Variants in CASQ2 observed in about 807,000 individuals in gnomAD.
The protein encoded by CASQ2 is calsequestrin 2.
Under a neutral mutation model 46.5 loss-of-function variants are expected in CASQ2, and 49 were observed. The observed-to-expected ratio is 1.05, with a 90% CI of 0.84 to 1.34. The LOEUF (loss-of-function observed/expected upper bound fraction) is 1.34, where lower values mean the gene tolerates loss of function less well. CASQ2 is among the 40% of genes most tolerant of loss of function. The probability of loss-of-function intolerance (pLI) is 0.00; values close to 1 mark genes in which losing one functional copy is unlikely to be tolerated. For synonymous variants in CASQ2, 174 were observed against 168.5 expected (o/e 1.03, Z -0.25); for missense variants, 486 against 481.3 (o/e 1.01, Z -0.09).
intron 1 of CASQ2, among the ~76,000 whole-genome samples, chr1:115,753,035 G>A: frequency 6.6e-6 from 1 of 152,180 alleles, no homozygotes; most frequent in Non-Finnish European, 1.5e-5. Context: ...ATAGTTTGAG[G>A]GTCTCCCATG....
intron 8 of CASQ2, among the ~76,000 whole-genome samples, chr1:115,712,749 G>C (rs555137809): frequency 2.0e-5 from 3 of 151,728 alleles, no homozygotes; most frequent in Admixed American, 6.6e-5. Flanking sequence ...CCAGCTACTC[G>C]GGAGGCTGAG....
chr1:115,742,375 C>T (rs1648217875), intron 2 of CASQ2, among the ~76,000 whole-genome samples: 1 of 152,110 alleles, frequency 6.6e-6, no homozygotes, highest in African/African-American at 2.4e-5. Context: ...TGAGCAAAAC[C>T]GCAGTAAGAA....
chr1:115,728,360 G>A (rs576455094), intron 5 of CASQ2, among the ~76,000 whole-genome samples: 2 of 152,268 alleles, frequency 1.3e-5, no homozygotes, highest in South Asian at 2.1e-4. Context: ...AAGAAAACAG[G>A]CCATGTTGAC....
chr1:115,701,084 G>C lies in CASQ2; in HGVS notation c.*157C>G. The C allele has an allele frequency of 3.6e-5, 40 of 1,110,682 alleles. 2 individuals are homozygous for C. In the South Asian group the frequency reaches 5.0e-4, roughly 14 times the overall value. The allele number at this position is 1,110,682 out of a possible 1,614,324, so 68.8% of individuals were successfully genotyped here. Reference sequence around the variant, plus strand: ...GCATTTGAAAAGGCATTTGCTGAATGATGCTGCTCCTGACGCAAAGGGAGT... The same window carrying C: ...GCATTTGAAAAGGCATTTGCTGAATCATGCTGCTCCTGACGCAAAGGGAGT... On this transcript the variant is annotated 3_prime_UTR_variant, in exon 11 of 11. Transcript: ENST00000261448.
At chr1:115,751,529 G>A (rs553217951) in intron 1 of CASQ2, among the ~76,000 whole-genome samples, 29 of 152,178 alleles carry the variant, frequency 1.9e-4, no homozygotes, top group African/African-American at 6.5e-4. Context: ...AGAATTAGCC[G>A]GGCTTGGTGG....
chr1:115,725,810 A>G (rs557052499), intron 6 of CASQ2, among the ~76,000 whole-genome samples: 8 of 152,274 alleles, frequency 5.3e-5, no homozygotes, highest in African/African-American at 1.9e-4. Context: ...TCTTTTACAA[A>G]CAATGGGTCA....
chr1:115,701,271 A>G lies in CASQ2; in HGVS notation c.1170T>C (p.Asn390=), dbSNP rs754836370. The G allele has an allele frequency of 6.2e-7, 1 of 1,605,132 alleles. No homozygotes were observed. The highest frequency in any genetic ancestry group is 8.5e-7 in the Non-Finnish European group (1 of 1,171,994). The stretch of plus-strand genomic sequence containing the variant: ...CATCATCATCGTCATCACTGTCATC[A>G]TTATCCTCTTCATCAGAATTATCAT... ...DDDDNSDEED[N]DDSDDDDDE The change falls in exon 11 of 11, where the codon AAT becomes AAC. Residue 390 remains asparagine, a synonymous_variant. Coordinates refer to ENST00000261448, the MANE Select transcript of CASQ2 (RefSeq NM_001232.4).
intron 1 of CASQ2, among the ~76,000 whole-genome samples, chr1:115,762,060 A>G (rs775012451): frequency 6.6e-6 from 1 of 152,206 alleles, no homozygotes; most frequent in African/African-American, 2.4e-5. Context: ...GAAGAACTAC[A>G]CCAAGTGTAC....
At chr1:115,703,137 C>T (rs952606845) in intron 9 of CASQ2, 142 bp from the exon 10 acceptor site, 4 of 705,962 alleles carry the variant, frequency 5.7e-6, no homozygotes, top group Middle Eastern at 2.3e-4. Flanking sequence ...AAATTGAAGA[C>T]TTGGCCCCAG....
intron 5 of CASQ2, among the ~76,000 whole-genome samples, chr1:115,730,258 T>C (rs546704210): frequency 6.0e-4 from 92 of 152,330 alleles, no homozygotes; most frequent in African/African-American, 2.1e-3. Flanking sequence ...TGGATAGTGG[T>C]TGGGAACTAC....
At chr1:115,740,569 A>T (rs1007686325) in intron 3 of CASQ2, among the ~76,000 whole-genome samples, 159 bp downstream of exon 3, 11 of 152,226 alleles carry the variant, frequency 7.2e-5, no homozygotes, top group African/African-American at 2.7e-4. Flanking sequence ...TAGAGTAGAC[A>T]GTGCAATAAT....
intron 5 of CASQ2, among the ~76,000 whole-genome samples, chr1:115,730,270 G>C (rs1217531313): frequency 1.3e-5 from 2 of 152,186 alleles, no homozygotes; most frequent in East Asian, 3.9e-4. Context: ...GGGAACTACT[G>C]ACTGACAAAT....
In CASQ2 at chr1:115,760,143, G is replaced by A. The variant is rs748240503; in HGVS notation, c.234+8165C>T. On this transcript the variant is annotated intron_variant, in intron 1 of 10. Coordinates refer to ENST00000261448, the MANE Select transcript of CASQ2 (RefSeq NM_001232.4). ...CCTAGAACAAACTTAACATCCCAGC[G>A]ACTCTCCAAATTAGAGCTATACTGA... Among the ~76,000 whole-genome samples the A allele has an allele frequency of 5.9e-5, 9 of 152,204 alleles. No homozygotes were observed. In the South Asian group the frequency reaches 6.2e-4, roughly 11 times the overall value.
intron 5 of CASQ2, among the ~76,000 whole-genome samples, chr1:115,728,747 A>T (rs1570819528): frequency 6.6e-6 from 1 of 152,224 alleles, no homozygotes; most frequent in East Asian, 1.9e-4. Context: ...GTTATTTTAC[A>T]AATGATGAAC....
At chr1:115,747,683 G>C (rs148507942) in intron 1 of CASQ2, among the ~76,000 whole-genome samples, 2 of 152,218 alleles carry the variant, frequency 1.3e-5, no homozygotes, top group African/African-American at 4.8e-5. Context: ...TACAAGTCTG[G>C]CACACATTTT....
rs781609996 is a variant in CASQ2 at position 115,727,076 on chromosome 1, T to C, written c.653A>G (p.Glu218Gly). 44 of 1,613,128 alleles carry C rather than the reference T, an allele frequency of 2.7e-5. No individual in the cohort carries two copies. The highest frequency in any genetic ancestry group is 3.7e-5 in the Non-Finnish European group (44 of 1,179,124). The change falls in exon 6 of 11, where the codon GAG (glutamate) becomes GGG (glycine). Residue 218 changes from glutamate to glycine, a missense_variant. Physicochemically the swap from Glu to Gly is moderately conservative, Grantham distance 98. Coordinates refer to ENST00000261448, the MANE Select transcript of CASQ2 (RefSeq NM_001232.4). ...GGCAATGGGCTCATCCATAAATGGC[T>C]CATAGAAGTCAACCTCATTCATCTT... The part of the protein sequence containing the change: ...SLKMNEVDFY[E>G]PFMDEPIAIP...
chr1:115,760,320 T>A (rs1285106975), intron 1 of CASQ2, among the ~76,000 whole-genome samples: 1 of 152,220 alleles, frequency 6.6e-6, no homozygotes, highest in Non-Finnish European at 1.5e-5. Flanking sequence ...GGATCTCATT[T>A]AAATGCTAAG....
chr1:115,732,896 C>CT lies in CASQ2; in HGVS notation c.606+4dup. On this transcript the variant is annotated splice_donor_region_variant and intron_variant, in intron 5 of 10. Transcript: ENST00000261448. Reference sequence around the variant, plus strand: ...TGTTCAAATTGGGGTTTCATAGGTACTTACCCCTTTGTCAAAGGTGGCAAA... The same window carrying CT: ...TGTTCAAATTGGGGTTTCATAGGTACTTTACCCCTTTGTCAAAGGTGGCAAA... 1 of 1,607,084 alleles carries CT rather than the reference C, an allele frequency of 6.2e-7. No homozygotes were observed. Among genetic ancestry groups the CT allele is most frequent in the Non-Finnish European group, 8.5e-7 (1 of 1,173,668 alleles).
intron 3 of CASQ2, 33 bp downstream of exon 3, chr1:115,740,683 GAGGAGAGGCAGC>G: frequency 8.4e-7 from 1 of 1,190,428 alleles, no homozygotes; most frequent in Non-Finnish European, 1.3e-6. Flanking sequence ...CCCTATATTT[GAGGAGAGGCAGC>G]TCCATGCAGG....
Sources: allele counts gnomAD v4.1 joint callset (sites outside exome capture counted in the v4.1 genomes callset), GRCh38; gene constraint gnomAD v4.1.1; transcripts MANE v1.5; gene names NCBI Gene and HGNC (gene_info 2026-07-23, HGNC 2026-07-21).